AGFG2: variants seen among roughly 807,000 people sequenced by gnomAD.
The protein encoded by AGFG2 is ArfGAP with FG repeats 2.
In AGFG2, 31 loss-of-function variants were observed where a neutral mutation model predicts 48.0. The ratio of observed to expected loss-of-function variants is 0.65; its 90% confidence interval spans 0.49 to 0.87. The LOEUF is 0.87. Ranked by LOEUF, AGFG2 falls within the 40% of genes least tolerant of loss-of-function variation. AGFG2 has a pLI of 0.00. For synonymous variants in AGFG2, 229 were observed against 260.8 expected (o/e 0.88, Z 1.18); for missense variants, 599 against 632.6 (o/e 0.95, Z 0.57).
At chr7:100,547,144 T>C (rs1301391043) in intron 1 of AGFG2, among the ~76,000 whole-genome samples, 1 of 152,116 alleles carries the variant, frequency 6.6e-6, no homozygotes, top group Non-Finnish European at 1.5e-5. Flanking sequence ...CACTCTGTAC[T>C]GAGTCCGCCC....
rs1180012460 is a variant in AGFG2, at chr7:100,551,070, C to CT, written c.431+576dup. Among the ~76,000 whole-genome samples, 231 of 43,374 alleles carry CT rather than the reference C, an allele frequency of 5.3e-3. 8 individuals carry two copies. Among genetic ancestry groups the CT allele is most frequent in the African/African-American group, 8.9e-3 (104 of 11,680 alleles). 28.5% of individuals were successfully genotyped at this position (43,374 alleles called of 152,430 possible). On this transcript the variant is annotated intron_variant, in intron 3 of 11. Coordinates refer to ENST00000300176, the MANE Select transcript of AGFG2 (RefSeq NM_006076.5). The stretch of plus-strand genomic sequence containing the variant: ...TATATATATATATATATATATATTT[C>CT]TTTTTTTTTTTTTTTTTGAGACAGA...
intron 6 of AGFG2, chr7:100,556,703 A>C (rs1800766058): frequency 8.3e-7 from 1 of 1,208,838 alleles, no homozygotes; most frequent in Non-Finnish European, 1.1e-6. Context: ...AGGAACCCTT[A>C]AAATTTGGCC....
Position 100,565,306 on chromosome 7 carries a change from C to A in AGFG2, c.*315C>A. 2.3e-6 allele frequency: 1 copy of A among 430,138 alleles called. No individual in the cohort carries two copies. Among genetic ancestry groups the A allele is most frequent in the Non-Finnish European group, 4.3e-6 (1 of 232,354 alleles). The allele number at this position is 430,138 out of a possible 1,614,324, so 26.6% of individuals were successfully genotyped here. On this transcript the variant is annotated 3_prime_UTR_variant, in exon 12 of 12. Coordinates refer to ENST00000300176, the MANE Select transcript of AGFG2 (RefSeq NM_006076.5). ...CCCTGTGGAACAGCTCTTCCCTGGG[C>A]CTAGCTCGCCAGCGCTGTGCTCCTC...
At chr7:100,563,594 G>A (rs1245455645) in intron 9 of AGFG2, among the ~76,000 whole-genome samples, 2 of 152,202 alleles carry the variant, frequency 1.3e-5, no homozygotes, top group East Asian at 3.8e-4. Flanking sequence ...GGCTAGCCCA[G>A]TCCTGCACCG....
chr7:100,541,010 C>CAAA (rs11353093), intron 1 of AGFG2, among the ~76,000 whole-genome samples: 33 of 75,478 alleles, frequency 4.4e-4, no homozygotes, highest in Non-Finnish European at 5.1e-4. Flanking sequence ...GACACTGTCT[C>CAAA]AAAAAAAAAA....
chr7:100,564,029 TCCTCCGA>T, intron 10 of AGFG2, 67 bp downstream of exon 10: 1 of 1,584,492 alleles, frequency 6.3e-7, no homozygotes, highest in Non-Finnish European at 8.6e-7. Flanking sequence ...AGTTAGTTGT[TCCTCCGA>T]CCTCATCAGA....
intron 2 of AGFG2, among the ~76,000 whole-genome samples, chr7:100,550,128 G>A (rs1800597724): frequency 6.6e-6 from 1 of 152,226 alleles, no homozygotes; most frequent in East Asian, 1.9e-4. Flanking sequence ...CCAACATGGT[G>A]AAACCTCATC....
rs544873489 is a variant in AGFG2 at position 100,563,082 on chromosome 7, G to A, written c.1171+136G>A. ...AGCCTGGTTCTTCCCCTGCCCACACGGTGCCAGGCCACCTAGCACCCAGGT... is the reference window on the plus strand; with the variant it reads ...AGCCTGGTTCTTCCCCTGCCCACACAGTGCCAGGCCACCTAGCACCCAGGT... On this transcript the variant is annotated intron_variant, in intron 9 of 11. Coordinates refer to ENST00000300176, the MANE Select transcript of AGFG2 (RefSeq NM_006076.5). 116 of 889,186 alleles carry A rather than the reference G, an allele frequency of 1.3e-4. No homozygotes were observed. The African/African-American group carries it at 1.6e-3, about 12-fold the overall frequency. The allele number at this position is 889,186 out of a possible 1,614,324, so 55.1% of individuals were successfully genotyped here. A position where few individuals can be genotyped will look rare whatever the true frequency, so the allele number is the denominator to read the frequency against.
At chr7:100,551,058 A>T (rs1562791835) in intron 3 of AGFG2, among the ~76,000 whole-genome samples, 13 of 77,686 alleles carry the variant, frequency 1.7e-4, no homozygotes, top group African/African-American at 6.4e-4. Flanking sequence ...ATATATATAT[A>T]TATATATATT....
chr7:100,549,151 G>A (rs1048392397), intron 2 of AGFG2, among the ~76,000 whole-genome samples: 7 of 152,200 alleles, frequency 4.6e-5, no homozygotes, highest in Non-Finnish European at 1.0e-4. Context: ...GTTGTAGGAT[G>A]TGGCACCTGA....
At position 100,562,261 on chromosome 7, in the gene AGFG2, A is replaced by G. The variant is rs1562795947; in HGVS notation, c.880A>G (p.Ser294Gly). 1 of 1,613,388 alleles carries G rather than the reference A, an allele frequency of 6.2e-7. No homozygotes were observed. The highest frequency in any genetic ancestry group is 8.5e-7 in the Non-Finnish European group (1 of 1,179,688). The change falls in exon 7 of 12, where the codon AGC (serine) becomes GGC (glycine). Residue 294 changes from serine to glycine, a missense_variant and splice_region_variant. Ser to Gly is a moderately conservative substitution (Grantham distance 56). Coordinates refer to ENST00000300176, the MANE Select transcript of AGFG2 (RefSeq NM_006076.5). This position sits in a 1 kb window ranked among gnomAD's most constrained non-coding sequence, Gnocchi z 5.4. ...TTGTATTTTCCACAACTGCCCAGGGAGCAGCCAGGGGACTCCATTTGGTGC... is the reference window on the plus strand; with the variant it reads ...TTGTATTTTCCACAACTGCCCAGGGGGCAGCCAGGGGACTCCATTTGGTGC... Reference protein sequence around the residue: ...SFQAQPTPAGSSQGTPFGATP... With the variant: ...SFQAQPTPAGGSQGTPFGATP...
chr7:100,555,980 C>T (rs1465422588), intron 6 of AGFG2: 3 of 411,158 alleles, frequency 7.3e-6, no homozygotes, highest in South Asian at 7.7e-5. Flanking sequence ...GTGGGTTATA[C>T]ACTAGGAAAC....
chr7:100,562,188 C>T lies in AGFG2; in HGVS notation c.878-71C>T, dbSNP rs1417640523. 1 of 1,561,416 alleles carries T rather than the reference C, an allele frequency of 6.4e-7. No homozygotes were observed. The highest frequency in any genetic ancestry group is 1.3e-5 in the African/African-American group (1 of 74,134). On this transcript the variant is annotated intron_variant, in intron 6 of 11. Transcript: ENST00000300176. This position sits in a 1 kb window ranked among gnomAD's most constrained non-coding sequence, Gnocchi z 5.4. ...TCCAATCCATCACCACCACCACCTC[C>T]ATCTGCTCTCCTGCCCCTCCCGCCC... is the stretch of plus-strand genomic sequence containing the variant.
At chr7:100,560,808 C>CTTTTTTTTTT in intron 6 of AGFG2, among the ~76,000 whole-genome samples, 1 of 112,838 alleles carries the variant, frequency 8.9e-6, no homozygotes, top group Non-Finnish European at 1.8e-5. Context: ...GAAGATCTCC[C>CTTTTTTTTTT]TTTTTTTTTT....
Position 100,553,519 on chromosome 7 carries a change from C to T in AGFG2, c.585+19C>T, listed in dbSNP as rs769656419. 1.3e-5 allele frequency: 20 copies of T among 1,576,292 alleles called. No homozygotes were observed. The highest frequency in any genetic ancestry group is 1.4e-5 in the African/African-American group (1 of 73,532). ...GAGCCAGGTAACTCTCAGATCTGCT[C>T]GTCATGTTTCTTTTGAGATTTGGGA... On this transcript the variant is annotated intron_variant, in intron 4 of 11. Transcript: ENST00000300176.
At position 100,552,870 on chromosome 7, in the gene AGFG2, C is replaced by CT. The variant is rs1208227907; in HGVS notation, c.432-477_432-476insT. Among the ~76,000 whole-genome samples, 27 of 152,266 alleles carry CT rather than the reference C, an allele frequency of 1.8e-4. No homozygotes were observed. The East Asian group carries it at 5.2e-3, about 29-fold the overall frequency. ...AGGAAATAAAAGAGGGGGACCTTTG[C>CT]CAGGTGTGGTGGCTCATGCCTGTAA... On this transcript the variant is annotated intron_variant, in intron 3 of 11. Transcript: ENST00000300176.
At chr7:100,555,125 C>T (rs918037052) in intron 5 of AGFG2, among the ~76,000 whole-genome samples, 1 of 152,010 alleles carries the variant, frequency 6.6e-6, no homozygotes, top group African/African-American at 2.4e-5. Flanking sequence ...GGCCCCAGGC[C>T]CCACCCATTT....
Position 100,549,755 on chromosome 7 carries a change from C to T in AGFG2, c.316-641C>T, listed in dbSNP as rs1213288506. 2.6e-5 allele frequency among the ~76,000 whole-genome samples: 4 copies of T among 152,220 alleles called. No homozygotes were observed. The East Asian group carries it at 7.7e-4, about 29-fold the overall frequency. On this transcript the variant is annotated intron_variant, in intron 2 of 11. Transcript: ENST00000300176. ...TCACCCAGGCTGGAGCTTAATGGTG[C>T]AATCTTGGCTCACTGCAACCTCAAC...
Position 100,539,526 on chromosome 7 carries a change from C to A in AGFG2, c.180C>A (p.Ile60=). The A allele has an allele frequency of 7.8e-7, 1 of 1,285,294 alleles. No individual in the cohort carries two copies. The highest frequency in any genetic ancestry group is 9.9e-7 in the Non-Finnish European group (1 of 1,007,702). 79.6% of individuals were successfully genotyped at this position (1,285,294 alleles called of 1,614,324 possible). A position where few individuals can be genotyped will look rare whatever the true frequency, so the allele number is the denominator to read the frequency against. The part of the protein sequence containing the change: ...CAQRGVTYVD[I]TVGSFVCTTC... ...AGCGCGGGGTCACCTACGTGGATATCACCGTGGGCAGCTTCGTGTGCACCA... is the reference window on the plus strand; with the variant it reads ...AGCGCGGGGTCACCTACGTGGATATAACCGTGGGCAGCTTCGTGTGCACCA... The change falls in exon 1 of 12, where the codon ATC becomes ATA. Residue 60 remains isoleucine, a synonymous_variant. Coordinates refer to ENST00000300176, the MANE Select transcript of AGFG2 (RefSeq NM_006076.5).
Sources: gnomAD v4.1 joint callset for allele counts (sites outside exome capture counted in the v4.1 genomes callset) on GRCh38, gnomAD v4.1.1 for gene constraint, Gnocchi (gnomAD v3.1) non-coding constraint, MANE v1.5 for transcripts, NCBI Gene and HGNC (gene_info 2026-07-23, HGNC 2026-07-21) for gene names.